The following STXBP5L variants were observed in gnomAD, a reference collection of about 807,000 sequenced individuals.
STXBP5L encodes the protein syntaxin binding protein 5L.
STXBP5L carries 65 observed loss-of-function variants against 144.5 expected under a neutral mutation model. The observed-to-expected ratio is 0.45, with a 90% CI of 0.37 to 0.55. The LOEUF (loss-of-function observed/expected upper bound fraction) is 0.55. Among genes scored for constraint, STXBP5L ranks in the 20% least tolerant of loss-of-function variants. The pLI is 0.00. For missense variants in STXBP5L, 1,298 were observed against 1,405.5 expected (o/e 0.92, Z 1.22); for synonymous variants, 505 against 469.6 (o/e 1.08, Z -0.97).
intron 7 of STXBP5L, among the ~76,000 whole-genome samples, chr3:121,152,008 G>A (rs2107984199): frequency 6.6e-6 from 1 of 151,858 alleles, no homozygotes; most frequent in South Asian, 2.1e-4. Context: ...ATAATCTTCA[G>A]AGGGTTCATA....
At chr3:120,945,774 G>A (rs1047682062) in intron 2 of STXBP5L, among the ~76,000 whole-genome samples, 3 of 151,756 alleles carry the variant, frequency 2.0e-5, no homozygotes, top group East Asian at 3.9e-4. Context: ...TGGTGGAAAC[G>A]CTATTACTGG....
intron 19 of STXBP5L, among the ~76,000 whole-genome samples, chr3:121,287,573 G>A (rs2051274230): frequency 1.3e-5 from 2 of 152,008 alleles, no homozygotes; most frequent in African/African-American, 4.8e-5. Flanking sequence ...GCTCATGCCT[G>A]TAATCCCAGC....
At chr3:121,037,377 A>T (rs1028819773) in intron 3 of STXBP5L, among the ~76,000 whole-genome samples, 1 of 151,696 alleles carries the variant, frequency 6.6e-6, no homozygotes, top group Non-Finnish European at 1.5e-5. Context: ...CGTCCTTACT[A>T]TCTGGGATCA....
chr3:120,988,694 G>T (rs984248664), intron 3 of STXBP5L, among the ~76,000 whole-genome samples: 9 of 152,130 alleles, frequency 5.9e-5, no homozygotes, highest in African/African-American at 2.2e-4. Context: ...GATGAAAGGG[G>T]TACAAGTGCA....
intron 3 of STXBP5L, among the ~76,000 whole-genome samples, chr3:120,996,979 G>C (rs1343404318): frequency 6.6e-6 from 1 of 151,970 alleles, no homozygotes; most frequent in Non-Finnish European, 1.5e-5. Context: ...GTAGGCACTG[G>C]TGTTTCATCA....
intron 7 of STXBP5L, among the ~76,000 whole-genome samples, chr3:121,132,162 G>T (rs1226766170): frequency 6.6e-6 from 1 of 152,198 alleles, no homozygotes; most frequent in Non-Finnish European, 1.5e-5. Flanking sequence ...GCAGCAAATT[G>T]CGCTGATAAA....
At chr3:121,012,689 A>G (rs1209633522) in intron 3 of STXBP5L, among the ~76,000 whole-genome samples, 1 of 151,600 alleles carries the variant, frequency 6.6e-6, no homozygotes, top group Non-Finnish European at 1.5e-5. Context: ...TATTGTTATT[A>G]TTATTCTTAG....
intron 3 of STXBP5L, among the ~76,000 whole-genome samples, chr3:121,036,033 A>G (rs984927880): frequency 1.3e-5 from 2 of 152,098 alleles, no homozygotes; most frequent in Non-Finnish European, 1.5e-5. Flanking sequence ...TAGAATTACA[A>G]TTTATTTAAA....
intron 9 of STXBP5L, among the ~76,000 whole-genome samples, chr3:121,187,244 C>G (rs2047425641): frequency 6.6e-6 from 1 of 152,018 alleles, no homozygotes; most frequent in East Asian, 1.9e-4. Flanking sequence ...AGTTCATGTC[C>G]TTTGTAGGGA....
At chr3:121,192,146 T>C (rs1033369029) in intron 9 of STXBP5L, among the ~76,000 whole-genome samples, 3 of 152,156 alleles carry the variant, frequency 2.0e-5, no homozygotes, top group Admixed American at 2.0e-4. Context: ...TCAAAATCAA[T>C]GTGCAAAAAT....
chr3:121,373,618 T>A (rs549898738), intron 20 of STXBP5L, among the ~76,000 whole-genome samples: 33 of 152,202 alleles, frequency 2.2e-4, no homozygotes, highest in Non-Finnish European at 1.5e-5. Flanking sequence ...GCACCCTACA[T>A]CCCAGGGAGC....
At chr3:121,258,076 ATCTT>A (rs894710633) in intron 17 of STXBP5L, among the ~76,000 whole-genome samples, 2 of 152,192 alleles carry the variant, frequency 1.3e-5, no homozygotes, top group South Asian at 2.1e-4. Context: ...ATATTTCATA[ATCTT>A]TCTTTTTTAA....
chr3:120,939,014 C>G (rs941890662), intron 2 of STXBP5L, among the ~76,000 whole-genome samples: 2 of 152,022 alleles, frequency 1.3e-5, no homozygotes, highest in Admixed American at 6.6e-5. Flanking sequence ...AACTCATAGC[C>G]TCAAGTGATC....
intron 7 of STXBP5L, among the ~76,000 whole-genome samples, chr3:121,134,181 A>T (rs1281107217): frequency 6.6e-6 from 1 of 151,896 alleles, no homozygotes; most frequent in Non-Finnish European, 1.5e-5. Flanking sequence ...GCTGGTAGGG[A>T]CTCTGTGGTG....
chr3:121,012,406 G>A (rs1049516287), intron 3 of STXBP5L, among the ~76,000 whole-genome samples: 1 of 151,706 alleles, frequency 6.6e-6, no homozygotes, highest in Middle Eastern at 3.2e-3. Context: ...TTCCAAAAAG[G>A]TTGCATGGTT....
intron 20 of STXBP5L, 32 bp downstream of exon 20, chr3:121,318,572 G>A (rs757105265): frequency 6.4e-6 from 9 of 1,407,596 alleles, no homozygotes; most frequent in Middle Eastern, 3.6e-4. Context: ...CAGACTTCTG[G>A]TAATTCACTG....
intron 5 of STXBP5L, chr3:121,049,682 C>T (rs1393104272): frequency 3.2e-5 from 5 of 154,104 alleles, no homozygotes; most frequent in Non-Finnish European, 5.9e-5. Flanking sequence ...GAGACGAGGC[C>T]TGTAGCACCT....
intron 7 of STXBP5L, among the ~76,000 whole-genome samples, chr3:121,129,482 A>G (rs2044871043): frequency 6.6e-6 from 1 of 152,036 alleles, no homozygotes; most frequent in Non-Finnish European, 1.5e-5. Flanking sequence ...AAAAATAACC[A>G]GGTGACAGTC....
intron 13 of STXBP5L, 130 bp from the exon 14 acceptor site, chr3:121,240,310 C>A: frequency 1.3e-6 from 1 of 758,604 alleles, no homozygotes; most frequent in Non-Finnish European, 2.1e-6. Context: ...CAGCTACACA[C>A]TTCATTCTTG....
Sources: allele counts gnomAD v4.1 joint callset (sites outside exome capture counted in the v4.1 genomes callset), GRCh38; gene constraint gnomAD v4.1.1; transcripts MANE v1.5; gene names NCBI Gene and HGNC (gene_info 2026-07-23, HGNC 2026-07-21).